Variants in TM4SF20 observed in about 807,000 individuals in gnomAD.
The protein encoded by TM4SF20 is transmembrane 4 L six family member 20.
In TM4SF20, 13 loss-of-function variants were observed where a neutral mutation model predicts 15.1. The observed-to-expected ratio is 0.86, with a 90% CI of 0.56 to 1.36. TM4SF20 has a LOEUF of 1.36. Among genes scored for constraint, TM4SF20 ranks in the 40% most tolerant of loss-of-function variants. TM4SF20 has a pLI of 0.00. For synonymous variants in TM4SF20, 92 were observed against 96.6 expected, an observed-to-expected ratio of 0.95 and a Z score of 0.28; for missense variants, 282 against 268.4, an observed-to-expected ratio of 1.05 and a Z score of -0.35.
Position 227,363,554 on chromosome 2 carries a change from T to C in TM4SF20, c.*170A>G. On this transcript the variant is annotated 3_prime_UTR_variant, in exon 4 of 4. Transcript: ENST00000304568. ...AGTACAACACAAAACTAATTGAAAA[T>C]TCTCTCCACCTTTCCCAAATCAACC... 1.5e-6 allele frequency: 1 copy of C among 678,136 alleles called. No individual in the cohort carries two copies. The highest frequency in any genetic ancestry group is 2.4e-6 in the Non-Finnish European group (1 of 413,326). The allele number at this position is 678,136 out of a possible 1,614,324, so 42.0% of individuals were successfully genotyped here.
intron 1 of TM4SF20, among the ~76,000 whole-genome samples, chr2:227,378,282 T>C (rs543980604): frequency 6.6e-6 from 1 of 152,266 alleles, no homozygotes; most frequent in East Asian, 1.9e-4. Context: ...GGCAGAACCA[T>C]AGCTGAGGTA....
In TM4SF20 at chr2:227,362,175, C is replaced by T. The variant is rs976999963; in HGVS notation, c.*1549G>A. The T allele has an allele frequency of 1.3e-5, 2 of 152,134 alleles. No homozygotes were observed. Among genetic ancestry groups the T allele is most frequent in the African/African-American group, 4.8e-5 (2 of 41,438 alleles). The allele number at this position is 152,134 out of a possible 1,614,324, so 9.4% of individuals were successfully genotyped here. A position where few individuals can be genotyped will look rare whatever the true frequency, so the allele number is the denominator to read the frequency against. On this transcript the variant is annotated 3_prime_UTR_variant, in exon 4 of 4. Coordinates refer to ENST00000304568, the MANE Select transcript of TM4SF20 (RefSeq NM_024795.4). ...AGAAAATTTTAGATTTTTAGCTTTG[C>T]TGTTTTACAACATTTTAATGTGATA...
intron 1 of TM4SF20, among the ~76,000 whole-genome samples, chr2:227,378,449 C>T (rs568195382): frequency 6.6e-6 from 1 of 152,284 alleles, no homozygotes; most frequent in African/African-American, 2.4e-5. Context: ...CTGCACTGCT[C>T]TGCTGCAGAT....
upstream of TM4SF20, chr2:227,381,490 TAA>T (rs1160716731): frequency 2.6e-5 from 4 of 152,128 alleles, no homozygotes; most frequent in South Asian, 2.1e-4. Context: ...ACCCTCCCAC[TAA>T]GTCATATAAA....
chr2:227,374,042 A>AAAGTGC (rs1168680000), intron 1 of TM4SF20, among the ~76,000 whole-genome samples: 1 of 151,414 alleles, frequency 6.6e-6, no homozygotes, highest in East Asian at 1.9e-4. Flanking sequence ...CTTTTAAAAG[A>AAAGTGC]AAGTGCAAGT....
intron 1 of TM4SF20, among the ~76,000 whole-genome samples, chr2:227,376,288 T>A (rs1006356952): frequency 3.3e-5 from 5 of 152,252 alleles, no homozygotes; most frequent in Non-Finnish European, 7.3e-5. Flanking sequence ...TTAACTTTTT[T>A]GTGTAGTTAC....
intron 1 of TM4SF20, 79 bp downstream of exon 1, chr2:227,379,007 A>C (rs2076464724): frequency 7.0e-7 from 1 of 1,432,544 alleles, no homozygotes; most frequent in Non-Finnish European, 9.6e-7. Flanking sequence ...AGTTAACTGC[A>C]AGACTGGAAG....
At chr2:227,373,914 C>T (rs1334348731) in intron 1 of TM4SF20, among the ~76,000 whole-genome samples, 3 of 114,732 alleles carry the variant, frequency 2.6e-5, no homozygotes, top group South Asian at 3.1e-4. Flanking sequence ...GGTGACAGAG[C>T]GAGACTCCGT....
Position 227,364,003 on chromosome 2 carries a change from A to G in TM4SF20, c.411T>C (p.His137=). 1 of 1,605,232 alleles carries G rather than the reference A, an allele frequency of 6.2e-7. No homozygotes were observed. The highest frequency in any genetic ancestry group is 8.5e-7 in the Non-Finnish European group (1 of 1,175,576). Residue 137 remains histidine (H), a synonymous_variant, in exon 4 of 4, where the codon CAT becomes CAC. Transcript: ENST00000304568. ...ACCACTGCAAGTTGAAGGATTCTGG[A>G]TGAATGTCACTGAAAAACAAAAGAT... ...EFSLKNISDI[H]PESFNLQWFF...
chr2:227,372,644 AAACAAAC>A (rs1292450676), intron 1 of TM4SF20, among the ~76,000 whole-genome samples: 3 of 149,612 alleles, frequency 2.0e-5, no homozygotes, highest in African/African-American at 4.9e-5. Flanking sequence ...TATCTCAAAA[AAACAAAC>A]AACAACAACA....
Position 227,363,711 on chromosome 2 carries a change from T to C in TM4SF20, c.*13A>G. 1.3e-6 allele frequency: 2 copies of C among 1,598,686 alleles called. No homozygotes were observed. Among genetic ancestry groups the C allele is most frequent in the Non-Finnish European group, 1.7e-6 (2 of 1,172,606 alleles). On this transcript the variant is annotated 3_prime_UTR_variant, in exon 4 of 4. Transcript: ENST00000304568. The stretch of plus-strand genomic sequence containing the variant: ...ATTCAAACTACTGATACTTACATTT[T>C]ATTCCCATTAAACTACACAATTTGA...
Position 227,363,459 on chromosome 2 carries a change from C to A in TM4SF20, c.*265G>T. 3.6e-6 allele frequency: 1 copy of A among 278,804 alleles called. No individual in the cohort carries two copies. The highest frequency in any genetic ancestry group is 6.6e-6 in the Non-Finnish European group (1 of 150,498). The allele number at this position is 278,804 out of a possible 1,614,324, so 17.3% of individuals were successfully genotyped here. ...TCCTGTACTTTTATTTTCAGGATGACTTCCGTTCCTTCTCATCCTCCTTCC... is the reference window on the plus strand; with the variant it reads ...TCCTGTACTTTTATTTTCAGGATGAATTCCGTTCCTTCTCATCCTCCTTCC... On this transcript the variant is annotated 3_prime_UTR_variant, in exon 4 of 4. Coordinates refer to ENST00000304568, the MANE Select transcript of TM4SF20 (RefSeq NM_024795.4).
intron 1 of TM4SF20, among the ~76,000 whole-genome samples, chr2:227,372,642 A>G (rs897630786): frequency 6.7e-6 from 1 of 149,612 alleles, no homozygotes; most frequent in Non-Finnish European, 1.5e-5. Flanking sequence ...TCTATCTCAA[A>G]AAAACAAACA....
intron 1 of TM4SF20, among the ~76,000 whole-genome samples, chr2:227,376,763 G>A (rs1395153008): frequency 6.6e-6 from 1 of 152,218 alleles, no homozygotes; most frequent in East Asian, 1.9e-4. Context: ...GACAGGTGTT[G>A]AGGACTACGG....
intron 1 of TM4SF20, among the ~76,000 whole-genome samples, chr2:227,371,736 C>T (rs565398051): frequency 5.3e-5 from 8 of 152,338 alleles, no homozygotes; most frequent in African/African-American, 1.9e-4. Flanking sequence ...CACCCACTCC[C>T]ACTAGCCTTT....
At position 227,363,437 on chromosome 2, in the gene TM4SF20, T is replaced by A; in HGVS notation, c.*287A>T. 4.5e-6 allele frequency: 1 copy of A among 224,484 alleles called. No individual in the cohort carries two copies. The highest frequency in any genetic ancestry group is 2.5e-5 in the African/African-American group (1 of 40,072). The allele number at this position is 224,484 out of a possible 1,614,324, so 13.9% of individuals were successfully genotyped here. On this transcript the variant is annotated 3_prime_UTR_variant, in exon 4 of 4. Transcript: ENST00000304568. ...TCTCAAAAAAAAAAAAAAAAAGTCC[T>A]GTACTTTTATTTTCAGGATGACTTC...
rs1167558907 is a variant in TM4SF20, at chr2:227,366,215, G to A, written c.279C>T (p.Ile93=). 1 of 1,612,040 alleles carries A rather than the reference G, an allele frequency of 6.2e-7. No individual in the cohort carries two copies. The highest frequency in any genetic ancestry group is 1.3e-5 in the African/African-American group (1 of 74,792). The change falls in exon 3 of 4, where the codon ATC becomes ATT. Residue 93 remains isoleucine (I), a synonymous_variant. Coordinates refer to ENST00000304568, the MANE Select transcript of TM4SF20 (RefSeq NM_024795.4). ...GMFLSSLFSV[I]TVIGALYCML... Reference sequence around the variant, plus strand: ...TGCAATACAGAGCACCAATGACTGTGATCACACTGAAAAGTGATGAAAGAA... The same window carrying A: ...TGCAATACAGAGCACCAATGACTGTAATCACACTGAAAAGTGATGAAAGAA...
chr2:227,365,984 C>T, intron 3 of TM4SF20, 109 bp downstream of exon 3: 3 of 1,144,736 alleles, frequency 2.6e-6, no homozygotes, highest in Non-Finnish European at 3.6e-6. Flanking sequence ...TCCGTTTGTC[C>T]CGGCAGTTGC....
At chr2:227,373,254 A>C (rs1052784491) in intron 1 of TM4SF20, among the ~76,000 whole-genome samples, 1 of 150,800 alleles carries the variant, frequency 6.6e-6, no homozygotes, top group African/African-American at 2.5e-5. Context: ...ACTCCATCTG[A>C]TGATGTACTG....
Sources: gnomAD v4.1 joint callset for allele counts (sites outside exome capture counted in the v4.1 genomes callset) on GRCh38, gnomAD v4.1.1 for gene constraint, MANE v1.5 for transcripts, NCBI Gene and HGNC (gene_info 2026-07-23, HGNC 2026-07-21) for gene names.